The following BRD10 variants were observed in gnomAD, a reference collection of about 807,000 sequenced individuals.
BRD10 encodes the protein bromodomain containing 10.
chr9:5,912,009 T>C, the BRD10 span, among the ~76,000 whole-genome samples: 1 of 152,356 alleles, frequency 6.6e-6, no homozygotes, highest in South Asian at 2.1e-4. Flanking sequence ...AATTGAGTCT[T>C]TCAATCTGTA....
At chr9:5,936,325 T>C in the BRD10 span, among the ~76,000 whole-genome samples, 1 of 152,152 alleles carries the variant, frequency 6.6e-6, no homozygotes, top group Non-Finnish European at 1.5e-5. Flanking sequence ...ACTGCACTCT[T>C]GCCTGGGTGA....
At chr9:5,879,140 G>A in the BRD10 span, among the ~76,000 whole-genome samples, 1 of 152,150 alleles carries the variant, frequency 6.6e-6, no homozygotes, top group South Asian at 2.1e-4. Flanking sequence ...ACATCAGAGG[G>A]ACTTCCAGAA....
the BRD10 span, chr9:5,918,946 G>A: frequency 1.3e-5 from 2 of 152,476 alleles, no homozygotes; most frequent in African/African-American, 4.8e-5. Context: ...TCTTGTAAAG[G>A]ACTGTCTTCA....
the BRD10 span, among the ~76,000 whole-genome samples, chr9:5,880,956 G>A: frequency 6.6e-6 from 1 of 152,078 alleles, no homozygotes; most frequent in South Asian, 2.1e-4. Flanking sequence ...ACCCGCCTCG[G>A]CCTCCCAAAG....
the BRD10 span, chr9:5,968,444 C>G: frequency 6.2e-7 from 1 of 1,612,614 alleles, no homozygotes; most frequent in Non-Finnish European, 8.5e-7. Flanking sequence ...AGTAACTTCC[C>G]CTGGACTCCT....
At chr9:5,951,019 T>A in the BRD10 span, among the ~76,000 whole-genome samples, 1 of 145,986 alleles carries the variant, frequency 6.8e-6, no homozygotes, top group Admixed American at 7.0e-5. Flanking sequence ...AACCTACAGA[T>A]ACAGAGGGCT....
the BRD10 span, among the ~76,000 whole-genome samples, chr9:5,942,309 GTTGT>G: frequency 6.6e-6 from 1 of 152,126 alleles, no homozygotes; most frequent in Non-Finnish European, 1.5e-5. Flanking sequence ...TTCCATTAAA[GTTGT>G]TTTAGTATCA....
chr9:5,936,137 CT>C, the BRD10 span, among the ~76,000 whole-genome samples: 12 of 152,140 alleles, frequency 7.9e-5, no homozygotes, highest in African/African-American at 2.9e-4. Flanking sequence ...AGGTAAATCA[CT>C]TAAGCCAAAG....
chr9:5,958,095 C>A, the BRD10 span, among the ~76,000 whole-genome samples: 4 of 152,030 alleles, frequency 2.6e-5, no homozygotes, highest in Non-Finnish European at 5.9e-5. Flanking sequence ...AAAGTGTCAG[C>A]CTGTACCTGG....
At chr9:6,000,568 T>C in the BRD10 span, among the ~76,000 whole-genome samples, 1 of 152,204 alleles carries the variant, frequency 6.6e-6, no homozygotes, top group South Asian at 2.1e-4. Flanking sequence ...AAACAAACTA[T>C]AAGGCAAAAT....
chr9:5,981,185 C>G, the BRD10 span, among the ~76,000 whole-genome samples: 4 of 152,270 alleles, frequency 2.6e-5, no homozygotes, highest in South Asian at 4.1e-4. Flanking sequence ...ATGGAGAGAC[C>G]TGGGAGGTAA....
the BRD10 span, chr9:6,007,568 CCTG>C: frequency 1.2e-6 from 2 of 1,611,276 alleles, no homozygotes; most frequent in Non-Finnish European, 1.7e-6. Flanking sequence ...TAGGTCAGCT[CCTG>C]CTCCTTGCAG....
the BRD10 span, among the ~76,000 whole-genome samples, chr9:6,005,595 T>G: frequency 6.6e-6 from 1 of 152,242 alleles, no homozygotes; most frequent in East Asian, 1.9e-4. Context: ...GCACTTTCAT[T>G]CAGTCATTCT....
At chr9:5,968,672 C>G in the BRD10 span, 3 of 1,613,698 alleles carry the variant, frequency 1.9e-6, no homozygotes, top group Non-Finnish European at 2.5e-6. Flanking sequence ...TTCTCCATTA[C>G]TTGTACTAAC....
chr9:5,991,774 G>C, the BRD10 span, among the ~76,000 whole-genome samples: 1 of 143,872 alleles, frequency 7.0e-6, no homozygotes, highest in Admixed American at 7.0e-5. Flanking sequence ...ACCTTGCTCT[G>C]TCTCCTCCAA....
chr9:5,910,135 A>C, the BRD10 span: 1 of 152,246 alleles, frequency 6.6e-6, no homozygotes, highest in Non-Finnish European at 1.5e-5. Flanking sequence ...AGAAAAGTTA[A>C]AGGCTGTCTT....
the BRD10 span, chr9:5,921,283 C>A: frequency 6.2e-7 from 1 of 1,613,954 alleles, no homozygotes; most frequent in Non-Finnish European, 8.5e-7. Context: ...TTTTCACATC[C>A]TTTATCTGAG....
the BRD10 span, among the ~76,000 whole-genome samples, chr9:6,006,907 A>G: frequency 6.6e-6 from 1 of 152,222 alleles, no homozygotes; most frequent in African/African-American, 2.4e-5. Flanking sequence ...CTACACGTGC[A>G]ATTCTTCCTA....
chr9:5,953,196 T>G, the BRD10 span, among the ~76,000 whole-genome samples: 2 of 152,172 alleles, frequency 1.3e-5, no homozygotes, highest in Non-Finnish European at 2.9e-5. Context: ...TTTTCATCTC[T>G]ACTTGACTTG....
Sources: gnomAD v4.1 joint callset for allele counts (sites outside exome capture counted in the v4.1 genomes callset) on GRCh38, gnomAD v4.1.1 for gene constraint, MANE v1.5 for transcripts, NCBI Gene and HGNC (gene_info 2026-07-23, HGNC 2026-07-21) for gene names.